Variants in EYS observed in about 807,000 individuals in gnomAD.
EYS encodes the protein EGF-like photoreceptor maintenance factor.
A neutral mutation model predicts 282.1 loss-of-function variants in EYS; 250 were observed. The ratio of observed to expected loss-of-function variants is 0.89; its 90% CI spans 0.80 to 0.98. The LOEUF (loss-of-function observed/expected upper bound fraction) is 0.98. EYS is among the 50% of genes least tolerant of loss of function. The probability of loss-of-function intolerance (pLI) is 0.00; values close to 1 mark genes in which losing one functional copy is unlikely to be tolerated. For missense variants in EYS, 4,016 were observed against 3,709.0 expected (o/e 1.08, Z -2.15); for synonymous variants, 1,355 against 1,282.9 (o/e 1.06, Z -1.20).
intron 24 of EYS, 88 bp from the exon 25 acceptor site, chr6:64,593,397 A>T: frequency 1.0e-6 from 1 of 991,970 alleles, no homozygotes; most frequent in African/African-American, 1.6e-5. Flanking sequence ...ATCCATTTGC[A>T]TTTCCATAGA....
intron 13 of EYS, among the ~76,000 whole-genome samples, chr6:65,045,723 G>T (rs1413113799): frequency 6.6e-6 from 1 of 151,766 alleles, no homozygotes; most frequent in Non-Finnish European, 1.5e-5. Flanking sequence ...CTTAGTCTAT[G>T]GAATTTAAGA....
intron 31 of EYS, among the ~76,000 whole-genome samples, chr6:64,149,526 T>C (rs1442899094): frequency 6.6e-6 from 1 of 152,126 alleles, no homozygotes; most frequent in Non-Finnish European, 1.5e-5. Context: ...TTCAGCAGAA[T>C]TTTCTGGGAT....
At position 63,987,299 on chromosome 6, in the gene EYS, C is replaced by G. The variant is rs1357295344; in HGVS notation, c.6835-2696G>C. 2.0e-5 allele frequency among the ~76,000 whole-genome samples: 3 copies of G among 151,620 alleles called. No individual in the cohort carries two copies. In the East Asian group the frequency reaches 5.8e-4, roughly 29 times the overall value. On this transcript the variant is annotated intron_variant, in intron 34 of 42. Coordinates refer to ENST00000503581, the MANE Select transcript of EYS (RefSeq NM_001142800.2). ...TGTTGTATAAAAACTCTAGAACCCCCCAGTGTGTGGTGAGATGTACCACTG... is the reference window on the plus strand; with the variant it reads ...TGTTGTATAAAAACTCTAGAACCCCGCAGTGTGTGGTGAGATGTACCACTG...
chr6:63,806,657 CTT>C (rs1457976819), intron 36 of EYS, among the ~76,000 whole-genome samples: 1 of 152,114 alleles, frequency 6.6e-6, no homozygotes, highest in Non-Finnish European at 1.5e-5. Flanking sequence ...TATTTTGAAA[CTT>C]AATTTTAGAA....
intron 31 of EYS, among the ~76,000 whole-genome samples, chr6:64,147,775 G>T (rs145913756): frequency 1.3e-5 from 2 of 152,118 alleles, no homozygotes; most frequent in African/African-American, 4.8e-5. Flanking sequence ...TTCTTTGCCC[G>T]TGCTATGTAG....
chr6:65,584,227 C>T (rs1490518123), intron 2 of EYS, among the ~76,000 whole-genome samples: 9 of 151,996 alleles, frequency 5.9e-5, no homozygotes, highest in Admixed American at 5.3e-4. Flanking sequence ...CAGTTCTTTG[C>T]TGGATGATTT....
Position 65,628,676 on chromosome 6 carries a change from G to A in EYS, c.-333+11102C>T, listed in dbSNP as rs565922797. 3.0e-3 allele frequency among the ~76,000 whole-genome samples: 453 copies of A among 151,972 alleles called. 4 individuals carry two copies. The highest frequency in any genetic ancestry group is 0.01 in the African/African-American group (429 of 41,456). ...CCTTAAGAGCTGTAACACTCACCGCGAAGGTCTGCAGCTTCACTCCTGAGC... is the reference window on the plus strand; with the variant it reads ...CCTTAAGAGCTGTAACACTCACCGCAAAGGTCTGCAGCTTCACTCCTGAGC... On this transcript the variant is annotated intron_variant, in intron 2 of 42. Transcript: ENST00000503581.
chr6:64,542,058 C>T (rs1167128565), intron 26 of EYS, among the ~76,000 whole-genome samples: 1 of 152,010 alleles, frequency 6.6e-6, no homozygotes, highest in Non-Finnish European at 1.5e-5. Flanking sequence ...GACCTGAACT[C>T]ACAGTTTGTT....
chr6:64,140,921 G>A (rs370049823), intron 31 of EYS, among the ~76,000 whole-genome samples: 32 of 151,930 alleles, frequency 2.1e-4, no homozygotes, highest in African/African-American at 7.5e-4. Context: ...CCTGACTCAG[G>A]CAAAATCAAA....
chr6:63,793,424 T>A (rs576605087), intron 37 of EYS, among the ~76,000 whole-genome samples: 1 of 152,362 alleles, frequency 6.6e-6, no homozygotes, highest in East Asian at 1.9e-4. Context: ...TACATATGCA[T>A]GCACAAGCTT....
intron 39 of EYS, among the ~76,000 whole-genome samples, chr6:63,780,524 C>T (rs1770191069): frequency 1.3e-5 from 2 of 152,074 alleles, no homozygotes; most frequent in African/African-American, 4.8e-5. Context: ...TTTCATGTGT[C>T]TGTTGGTTGC....
chr6:63,899,094 T>C (rs1429656862), intron 35 of EYS, among the ~76,000 whole-genome samples: 2 of 152,218 alleles, frequency 1.3e-5, no homozygotes, highest in African/African-American at 4.8e-5. Context: ...GATTATTACG[T>C]TTATTGACTG....
intron 2 of EYS, among the ~76,000 whole-genome samples, chr6:65,592,931 C>T (rs1765282346): frequency 6.6e-6 from 1 of 151,998 alleles, no homozygotes; most frequent in African/African-American, 2.4e-5. Context: ...CATAGCACAA[C>T]ATTATGGACA....
chr6:65,288,355 T>C (rs1284873796), intron 12 of EYS, among the ~76,000 whole-genome samples: 3 of 150,730 alleles, frequency 2.0e-5, no homozygotes, highest in Non-Finnish European at 4.5e-5. Context: ...ACTGAATTCT[T>C]TGTACCATGG....
At chr6:64,352,165 T>C in intron 29 of EYS, among the ~76,000 whole-genome samples, 1 of 151,654 alleles carries the variant, frequency 6.6e-6, no homozygotes, top group East Asian at 2.0e-4. Context: ...TTAATGTGCA[T>C]GTTCTTTCAA....
intron 35 of EYS, among the ~76,000 whole-genome samples, chr6:63,957,953 A>T (rs1455686198): frequency 7.1e-6 from 1 of 140,848 alleles, no homozygotes; most frequent in Non-Finnish European, 1.6e-5. Flanking sequence ...GAGAGGCATA[A>T]ATTTGGGTTG....
chr6:64,056,129 G>A (rs1175853120), intron 33 of EYS, among the ~76,000 whole-genome samples: 1 of 152,138 alleles, frequency 6.6e-6, no homozygotes, highest in Non-Finnish European at 1.5e-5. Flanking sequence ...TTTTGCCTCT[G>A]TTCGCTCCTG....
At chr6:63,886,872 G>A (rs1281059409) in intron 35 of EYS, among the ~76,000 whole-genome samples, 2 of 152,186 alleles carry the variant, frequency 1.3e-5, no homozygotes, top group African/African-American at 2.4e-5. Flanking sequence ...TACCATGGAA[G>A]GAAACTGGCC....
intron 22 of EYS, among the ~76,000 whole-genome samples, chr6:64,791,658 T>C (rs1774196029): frequency 1.3e-5 from 2 of 151,920 alleles, no homozygotes; most frequent in Non-Finnish European, 2.9e-5. Flanking sequence ...CAACCATTTT[T>C]GTATTGTTTT....
Sources: gnomAD v4.1 joint callset for allele counts (sites outside exome capture counted in the v4.1 genomes callset) on GRCh38, gnomAD v4.1.1 for gene constraint, MANE v1.5 for transcripts, NCBI Gene and HGNC (gene_info 2026-07-23, HGNC 2026-07-21) for gene names.